The following EDIL3 variants were observed in gnomAD, a reference collection of about 807,000 sequenced individuals.
EDIL3 encodes the protein EGF-like repeat and discoidin I-like domain-containing protein 3.
EDIL3 carries 37 observed loss-of-function variants against 67.4 expected under a neutral mutation model. That is an observed-to-expected ratio of 0.55 (90% CI 0.42 to 0.72). The LOEUF is 0.72. Ranked by LOEUF, EDIL3 falls within the 30% of genes least tolerant of loss-of-function variation. The probability of loss-of-function intolerance (pLI) is 0.00; values close to 1 mark genes in which losing one functional copy is unlikely to be tolerated. For synonymous variants in EDIL3, 195 were observed against 196.3 expected (o/e 0.99, Z 0.05); for missense variants, 527 against 586.3 (o/e 0.90, Z 1.04).
At chr5:84,230,349 T>C (rs1486808574) in intron 2 of EDIL3, among the ~76,000 whole-genome samples, 1 of 151,858 alleles carries the variant, frequency 6.6e-6, no homozygotes, top group Admixed American at 6.6e-5. Context: ...TTCCATGAGA[T>C]AGAAGTTATA....
At chr5:84,352,831 A>G (rs911398081) in intron 1 of EDIL3, among the ~76,000 whole-genome samples, 1 of 152,206 alleles carries the variant, frequency 6.6e-6, no homozygotes, top group African/African-American at 2.4e-5. Flanking sequence ...ATGATGTGAT[A>G]CAATGGCCCA....
At chr5:84,247,768 C>T (rs907292858) in intron 2 of EDIL3, among the ~76,000 whole-genome samples, 15 of 151,808 alleles carry the variant, frequency 9.9e-5, no homozygotes, top group South Asian at 6.2e-4. Context: ...GTATTTTTTA[C>T]ATGATATGCT....
At chr5:84,107,326 C>T (rs1197340176) in intron 5 of EDIL3, among the ~76,000 whole-genome samples, 1 of 151,526 alleles carries the variant, frequency 6.6e-6, no homozygotes, top group African/African-American at 2.4e-5. Context: ...ATTTTTATAC[C>T]CACCATCAGT....
intron 9 of EDIL3, among the ~76,000 whole-genome samples, chr5:84,055,632 T>A (rs888131546): frequency 2.6e-5 from 4 of 151,784 alleles, no homozygotes; most frequent in Non-Finnish European, 4.4e-5. Context: ...AACAACCCCA[T>A]CAAAAAGTGG....
chr5:84,370,282 A>G (rs796433211), intron 1 of EDIL3, among the ~76,000 whole-genome samples: 37 of 152,274 alleles, frequency 2.4e-4, no homozygotes, highest in African/African-American at 8.2e-4. Context: ...TACACAAACA[A>G]CTCTAAACAG....
chr5:84,048,803 T>C (rs1187211929), intron 9 of EDIL3, among the ~76,000 whole-genome samples: 1 of 152,128 alleles, frequency 6.6e-6, no homozygotes, highest in Non-Finnish European at 1.5e-5. Flanking sequence ...AAAATAAGTT[T>C]TTAGTTAATC....
chr5:84,133,464 C>CAAAAAAAAAAAA (rs5869210), intron 5 of EDIL3, among the ~76,000 whole-genome samples: 21 of 86,460 alleles, frequency 2.4e-4, no homozygotes, highest in Non-Finnish European at 3.4e-4. Flanking sequence ...ACTAAAAATA[C>CAAAAAAAAAAAA]AAAAAAAAAA....
At chr5:84,214,398 C>A (rs985044586) in intron 3 of EDIL3, among the ~76,000 whole-genome samples, 2 of 151,702 alleles carry the variant, frequency 1.3e-5, no homozygotes, top group Non-Finnish European at 2.9e-5. Flanking sequence ...ATGTATAACC[C>A]CCGCCCCCCG....
chr5:84,136,441 G>T (rs1286788526), intron 5 of EDIL3, among the ~76,000 whole-genome samples: 1 of 152,042 alleles, frequency 6.6e-6, no homozygotes, highest in Non-Finnish European at 1.5e-5. Flanking sequence ...CCATCCCATT[G>T]ACTTTAGTCC....
intron 3 of EDIL3, among the ~76,000 whole-genome samples, chr5:84,226,437 G>A (rs1744454106): frequency 6.6e-6 from 1 of 151,572 alleles, no homozygotes; most frequent in African/African-American, 2.4e-5. Context: ...AAAAAATTAA[G>A]TGTTGAAAAA....
intron 6 of EDIL3, among the ~76,000 whole-genome samples, chr5:84,092,202 A>G (rs1747179988): frequency 6.6e-6 from 1 of 152,176 alleles, no homozygotes; most frequent in African/African-American, 2.4e-5. Context: ...AATTTTTTTT[A>G]TGATAAAAGC....
chr5:84,168,993 C>T (rs1748762547), intron 4 of EDIL3, among the ~76,000 whole-genome samples: 1 of 152,092 alleles, frequency 6.6e-6, no homozygotes, highest in Non-Finnish European at 1.5e-5. Context: ...AATCACTCAC[C>T]ATGCTCCAGA....
At chr5:83,962,743 C>T (rs1001217510) in intron 10 of EDIL3, among the ~76,000 whole-genome samples, 1 of 151,318 alleles carries the variant, frequency 6.6e-6, no homozygotes, top group African/African-American at 2.4e-5. Context: ...CTACTTGTTA[C>T]AATAATTAAG....
chr5:84,341,501 TG>T (rs1466149881), intron 1 of EDIL3, among the ~76,000 whole-genome samples: 1 of 152,116 alleles, frequency 6.6e-6, no homozygotes, highest in Non-Finnish European at 1.5e-5. Context: ...CAAAAAGACG[TG>T]TTCCTAATCT....
chr5:84,206,421 T>C (rs911505851), intron 3 of EDIL3, among the ~76,000 whole-genome samples: 1 of 152,144 alleles, frequency 6.6e-6, no homozygotes, highest in Non-Finnish European at 1.5e-5. Context: ...TGTAGATGTC[T>C]ATTAGGTCCA....
intron 1 of EDIL3, among the ~76,000 whole-genome samples, chr5:84,359,091 T>C (rs1015355805): frequency 6.6e-6 from 1 of 152,174 alleles, no homozygotes; most frequent in African/African-American, 2.4e-5. Context: ...TACTGCTCCG[T>C]CCCACCCACA....
At chr5:84,328,179 G>A (rs1489740170) in intron 1 of EDIL3, among the ~76,000 whole-genome samples, 2 of 152,012 alleles carry the variant, frequency 1.3e-5, no homozygotes, top group Non-Finnish European at 2.9e-5. Context: ...CATGTCATAT[G>A]CAGTTAAATA....
At chr5:84,189,755 A>AT (rs2112366298) in intron 3 of EDIL3, among the ~76,000 whole-genome samples, 1 of 152,054 alleles carries the variant, frequency 6.6e-6, no homozygotes, top group African/African-American at 2.4e-5. Flanking sequence ...CTGCATATAC[A>AT]TTTTTTATCC....
chr5:83,983,390 A>G (rs1745005311), intron 9 of EDIL3, among the ~76,000 whole-genome samples: 1 of 152,152 alleles, frequency 6.6e-6, no homozygotes, highest in African/African-American at 2.4e-5. Flanking sequence ...AGATTGGATC[A>G]GGAACAGAAG....
Sources: allele counts gnomAD v4.1 joint callset (sites outside exome capture counted in the v4.1 genomes callset), GRCh38; gene constraint gnomAD v4.1.1; transcripts MANE v1.5; gene names NCBI Gene and HGNC (gene_info 2026-07-23, HGNC 2026-07-21).